The following SPMIP3 variants were observed in gnomAD, a reference collection of about 807,000 sequenced individuals.
SPMIP3 encodes protein SPMIP3.
the SPMIP3 span, among the ~76,000 whole-genome samples, chr1:244,383,328 G>T: frequency 2.0e-5 from 3 of 151,996 alleles, no homozygotes; most frequent in Admixed American, 2.0e-4. Context: ...CCTGGGCGAC[G>T]CAGTGAGAAC....
chr1:244,372,687 C>A, the SPMIP3 span, among the ~76,000 whole-genome samples: 5 of 152,296 alleles, frequency 3.3e-5, no homozygotes, highest in South Asian at 8.3e-4. Context: ...TTGCGATCCG[C>A]CCGCCTTGGC....
chr1:244,366,656 G>A, the SPMIP3 span, among the ~76,000 whole-genome samples: 1 of 152,128 alleles, frequency 6.6e-6, no homozygotes, highest in African/African-American at 2.4e-5. Flanking sequence ...AAGGCGGGTG[G>A]ATCACTTGAG....
At chr1:244,372,643 C>T in the SPMIP3 span, among the ~76,000 whole-genome samples, 2 of 152,056 alleles carry the variant, frequency 1.3e-5, no homozygotes, top group African/African-American at 4.8e-5. Flanking sequence ...CTGGGTTTCA[C>T]CGCGTTAGCC....
At chr1:244,375,435 C>T in the SPMIP3 span, 2 of 1,614,020 alleles carry the variant, frequency 1.2e-6, no homozygotes, top group Non-Finnish European at 1.7e-6. Context: ...TGGCAAGACT[C>T]CATTTTGATC....
chr1:244,372,411 G>A, the SPMIP3 span, among the ~76,000 whole-genome samples: 1 of 151,688 alleles, frequency 6.6e-6, no homozygotes, highest in Non-Finnish European at 1.5e-5. Context: ...GATACGTTAT[G>A]CAAAATGATG....
At chr1:244,365,526 G>A in the SPMIP3 span, among the ~76,000 whole-genome samples, 2 of 152,158 alleles carry the variant, frequency 1.3e-5, no homozygotes, top group East Asian at 3.9e-4. Context: ...GTGTGGAACT[G>A]TGAGTCCATT....
At chr1:244,378,451 T>C in the SPMIP3 span, 1 of 1,593,896 alleles carries the variant, frequency 6.3e-7, no homozygotes, top group East Asian at 2.2e-5. Flanking sequence ...AGCAAACTAC[T>C]TCTATTTCCA....
chr1:244,374,044 C>T, the SPMIP3 span, among the ~76,000 whole-genome samples: 5 of 152,006 alleles, frequency 3.3e-5, no homozygotes, highest in East Asian at 1.9e-4. Flanking sequence ...ACTCAGGAGG[C>T]GGAGGTTGCA....
At chr1:244,378,182 C>T in the SPMIP3 span, among the ~76,000 whole-genome samples, 25 of 152,116 alleles carry the variant, frequency 1.6e-4, no homozygotes, top group Non-Finnish European at 2.8e-4. Flanking sequence ...CTCTGGAGCG[C>T]GGGGAGTGGC....
chr1:244,356,770 G>T, the SPMIP3 span, among the ~76,000 whole-genome samples: 4 of 152,068 alleles, frequency 2.6e-5, no homozygotes, highest in Non-Finnish European at 4.4e-5. Flanking sequence ...CAAAATTGGG[G>T]TATTGGGTTT....
chr1:244,369,779 T>A, the SPMIP3 span, among the ~76,000 whole-genome samples: 1 of 152,204 alleles, frequency 6.6e-6, no homozygotes, highest in East Asian at 1.9e-4. Context: ...GGACTAGGTG[T>A]GCTGTTTGCA....
chr1:244,384,431 C>T, the SPMIP3 span, among the ~76,000 whole-genome samples: 1 of 152,094 alleles, frequency 6.6e-6, no homozygotes, highest in Non-Finnish European at 1.5e-5. Flanking sequence ...CTCAAACTCC[C>T]GGGCTCAAGC....
At chr1:244,378,391 A>G in the SPMIP3 span, 11 of 1,427,398 alleles carry the variant, frequency 7.7e-6, no homozygotes, top group Non-Finnish European at 1.1e-5. Flanking sequence ...TTTCCAGGGA[A>G]TGGATTCCAG....
chr1:244,360,509 TAC>T, the SPMIP3 span, among the ~76,000 whole-genome samples: 1,701 of 59,032 alleles, frequency 0.029, 25 homozygotes, highest in African/African-American at 0.042. Context: ...AAACGTGATA[TAC>T]ACACACACAC....
At chr1:244,355,404 G>A in the SPMIP3 span, among the ~76,000 whole-genome samples, 1 of 151,848 alleles carries the variant, frequency 6.6e-6, no homozygotes, top group African/African-American at 2.4e-5. Flanking sequence ...TTGATTGATT[G>A]ATTGAGACGG....
the SPMIP3 span, among the ~76,000 whole-genome samples, chr1:244,371,862 T>C: frequency 6.6e-6 from 1 of 152,234 alleles, no homozygotes; most frequent in East Asian, 1.9e-4. Flanking sequence ...CCCTTTATTG[T>C]GCCAGTTCCT....
At chr1:244,385,784 A>G in the SPMIP3 span, among the ~76,000 whole-genome samples, 1 of 152,176 alleles carries the variant, frequency 6.6e-6, no homozygotes, top group Non-Finnish European at 1.5e-5. Context: ...ATACTAATAC[A>G]ATGGAATTGC....
chr1:244,355,684 C>T, the SPMIP3 span, among the ~76,000 whole-genome samples: 1 of 152,138 alleles, frequency 6.6e-6, no homozygotes, highest in Non-Finnish European at 1.5e-5. Context: ...CCGCGCCCAG[C>T]CCCAAATAAA....
the SPMIP3 span, chr1:244,378,599 C>T: frequency 3.0e-4 from 481 of 1,614,030 alleles, 3 homozygotes; most frequent in South Asian, 3.0e-3. Flanking sequence ...ATAAAGAAAC[C>T]ACTTACCGAC....
Sources: gnomAD v4.1 joint callset for allele counts (sites outside exome capture counted in the v4.1 genomes callset) on GRCh38, gnomAD v4.1.1 for gene constraint, MANE v1.5 for transcripts, NCBI Gene and HGNC (gene_info 2026-07-23, HGNC 2026-07-21) for gene names.